Variants in MRPS35 observed in about 807,000 individuals in gnomAD.
MRPS35 encodes the protein mitochondrial ribosomal protein S35.
Under a neutral mutation model 32.7 loss-of-function variants are expected in MRPS35, and 29 were observed. That is an observed-to-expected ratio of 0.89 (90% CI 0.66 to 1.21). The LOEUF is 1.21. Ranked by LOEUF, MRPS35 falls within the 50% of genes most tolerant of loss-of-function variation. The probability of loss-of-function intolerance (pLI) is 0.00; values close to 1 mark genes in which losing one functional copy is unlikely to be tolerated. For missense variants in MRPS35, 373 were observed against 383.8 expected (o/e 0.97, Z 0.23); for synonymous variants, 148 against 139.3 (o/e 1.06, Z -0.44).
Position 27,735,494 on chromosome 12 carries a change from A to G in MRPS35, c.570A>G (p.Leu190=), listed in dbSNP as rs536213836. 1.9e-6 allele frequency: 3 copies of G among 1,612,272 alleles called. No individual in the cohort carries two copies. The highest frequency in any genetic ancestry group is 4.5e-5 in the East Asian group (2 of 44,766). ...LNLDDHAKKK[L]IKLVGERYCK... ...TAGATGATCACGCAAAGAAGAAATT[A>G]ATTAAACTTGTAGGAGAGCGATACT... Residue 190 remains leucine (L), a synonymous_variant, in exon 6 of 8, where the codon TTA becomes TTG. Coordinates refer to ENST00000081029, the MANE Select transcript of MRPS35 (RefSeq NM_021821.4).
rs755879623 is a variant in MRPS35, at chr12:27,735,478, A to G, written c.554A>G (p.His185Arg). ...CTTTCCAGTTTGAATTTAGATGATC[A>G]CGCAAAGAAGAAATTAATTAAACTT... ...VKLSSLNLDD[H>R]AKKKLIKLVG... Residue 185 changes from histidine (H) to arginine (R), a missense_variant, in exon 6 of 8, where the codon CAC (histidine) becomes CGC (arginine). Physicochemically the swap from His to Arg is conservative, Grantham distance 29. Transcript: ENST00000081029. 6.2e-7 allele frequency: 1 copy of G among 1,611,038 alleles called. No homozygotes were observed. The highest frequency in any genetic ancestry group is 1.1e-5 in the South Asian group (1 of 90,032).
intron 2 of MRPS35, among the ~76,000 whole-genome samples, chr12:27,715,094 C>T (rs2061844334): frequency 6.6e-6 from 1 of 152,196 alleles, no homozygotes; most frequent in Admixed American, 6.5e-5. Flanking sequence ...TTAAGTCCTG[C>T]AGCCTGGGAC....
chr12:27,719,903 G>T, intron 4 of MRPS35, 35 bp downstream of exon 4: 1 of 1,395,166 alleles, frequency 7.2e-7, no homozygotes, highest in South Asian at 1.2e-5. Context: ...ATTTTATATT[G>T]ACTTTGAACA....
intron 4 of MRPS35, among the ~76,000 whole-genome samples, chr12:27,721,106 GA>G (rs2061872449): frequency 6.6e-6 from 1 of 152,164 alleles, no homozygotes; most frequent in South Asian, 2.1e-4. Context: ...TTGGGAAGGA[GA>G]TGTGGAATAG....
chr12:27,740,327 G>C (rs1205574791), intron 7 of MRPS35, among the ~76,000 whole-genome samples: 3 of 151,420 alleles, frequency 2.0e-5, no homozygotes, highest in African/African-American at 7.3e-5. Context: ...GAGTGCAGTG[G>C]TATGATCATG....
intron 7 of MRPS35, among the ~76,000 whole-genome samples, chr12:27,738,796 T>A (rs1302522420): frequency 6.6e-6 from 1 of 151,076 alleles, no homozygotes; most frequent in Non-Finnish European, 1.5e-5. Context: ...TAAAGAAAAA[T>A]AGAAAAAATA....
chr12:27,749,722 A>T (rs1156241279), intron 7 of MRPS35, among the ~76,000 whole-genome samples: 1 of 152,036 alleles, frequency 6.6e-6, no homozygotes, highest in Non-Finnish European at 1.5e-5. Context: ...TGGGTTTGAA[A>T]CCCACTCCTC....
chr12:27,733,119 G>A (rs2061929470), intron 5 of MRPS35, among the ~76,000 whole-genome samples: 1 of 150,490 alleles, frequency 6.6e-6, no homozygotes, highest in African/African-American at 2.4e-5. Context: ...TCTTTGAAAT[G>A]TAGCAACTGA....
intron 2 of MRPS35, 143 bp from the exon 3 acceptor site, chr12:27,716,148 C>A (rs1432363265): frequency 4.5e-6 from 3 of 663,774 alleles, no homozygotes; most frequent in Non-Finnish European, 7.1e-6. Context: ...ACAGCAGCAG[C>A]ATTGTGGGAG....
intron 7 of MRPS35, among the ~76,000 whole-genome samples, chr12:27,747,215 G>T (rs2061984436): frequency 6.6e-6 from 1 of 151,912 alleles, no homozygotes; most frequent in East Asian, 1.9e-4. Flanking sequence ...TTTTCAAATT[G>T]ATCAGCCTTG....
chr12:27,755,096 AAG>A (rs1352103911), intron 7 of MRPS35, 83 bp from the exon 8 acceptor site: 3 of 1,419,330 alleles, frequency 2.1e-6, no homozygotes, highest in South Asian at 1.5e-5. Context: ...GAAAAAAAAA[AAG>A]AAGAAAGAAA....
intron 1 of MRPS35, 70 bp from the exon 2 acceptor site, chr12:27,714,710 G>A: frequency 1.8e-6 from 2 of 1,103,482 alleles, no homozygotes; most frequent in Non-Finnish European, 2.7e-6. Flanking sequence ...ATGGGATCAT[G>A]ATTGATGTTG....
At chr12:27,751,013 G>T (rs1466653992) in intron 7 of MRPS35, among the ~76,000 whole-genome samples, 1 of 132,650 alleles carries the variant, frequency 7.5e-6, no homozygotes, top group Non-Finnish European at 1.5e-5. Context: ...TGAGGCGGGA[G>T]AATTGCTTGA....
chr12:27,711,004 G>A (rs764947074), intron 1 of MRPS35, 49 bp downstream of exon 1: 1 of 1,541,700 alleles, frequency 6.5e-7, no homozygotes, highest in South Asian at 1.1e-5. Context: ...GTGCAAGAGC[G>A]GAATACCGGC....
intron 5 of MRPS35, among the ~76,000 whole-genome samples, chr12:27,731,872 G>A (rs11049111): frequency 0.14 from 21,264 of 152,098 alleles, 1,581 homozygotes; most frequent in East Asian, 0.18. Flanking sequence ...CCTGGCCTGT[G>A]CCATCTTTAT....
Position 27,755,647 on chromosome 12 carries a change from G to T in MRPS35, c.*197G>T. 1 of 398,584 alleles carries T rather than the reference G, an allele frequency of 2.5e-6. No individual in the cohort carries two copies. The highest frequency in any genetic ancestry group is 4.3e-6 in the Non-Finnish European group (1 of 233,272). The allele number at this position is 398,584 out of a possible 1,614,324, so 24.7% of individuals were successfully genotyped here. On this transcript the variant is annotated 3_prime_UTR_variant, in exon 8 of 8. Transcript: ENST00000081029. ...TTTACACTGGGGCAATAGACTAGGA[G>T]GTCTCTGATTTCTTCTTGGTCTAAA...
intron 3 of MRPS35, among the ~76,000 whole-genome samples, chr12:27,719,538 C>T (rs1043777436): frequency 4.6e-5 from 7 of 151,518 alleles, no homozygotes; most frequent in African/African-American, 1.2e-4. Context: ...TGGTGGCGGG[C>T]GCCTGTAGTC....
chr12:27,716,108 G>A (rs866589937), intron 2 of MRPS35, among the ~76,000 whole-genome samples, 183 bp from the exon 3 acceptor site: 3 of 152,118 alleles, frequency 2.0e-5, no homozygotes, highest in African/African-American at 7.2e-5. Flanking sequence ...GAGATATTTA[G>A]GTAGATTTAG....
intron 7 of MRPS35, among the ~76,000 whole-genome samples, chr12:27,752,113 T>C (rs1361807599): frequency 6.6e-6 from 1 of 150,880 alleles, no homozygotes; most frequent in Non-Finnish European, 1.5e-5. Context: ...CTGGGCATGA[T>C]AGCGTGCACC....
Sources: allele counts gnomAD v4.1 joint callset (sites outside exome capture counted in the v4.1 genomes callset), GRCh38; gene constraint gnomAD v4.1.1; transcripts MANE v1.5; gene names NCBI Gene and HGNC (gene_info 2026-07-23, HGNC 2026-07-21).